The following ATP1B1 variants were observed in gnomAD, a reference collection of about 807,000 sequenced individuals.
The protein encoded by ATP1B1 is sodium/potassium-transporting ATPase subunit beta-1.
In ATP1B1, 3 loss-of-function variants were observed where a neutral mutation model predicts 39.6. The observed-to-expected ratio is 0.08, with a 90% CI of 0.03 to 0.20. The LOEUF (loss-of-function observed/expected upper bound fraction) is 0.20. Ranked by LOEUF, ATP1B1 falls within the 10% of genes least tolerant of loss-of-function variation. ATP1B1 has a pLI of 1.00. For missense variants in ATP1B1, 216 were observed against 371.1 expected (o/e 0.58, Z 3.43); for synonymous variants, 139 against 135.0 (o/e 1.03, Z -0.20).
rs1658227662 is a variant in ATP1B1 at position 169,131,830 on chromosome 1, C to A, written c.*275C>A. ...CTGTAAATTATGATTCCGTAACTGACTTGTAGTAAGCAGTGTTTCTGGCCC... is the reference window on the plus strand; with the variant it reads ...CTGTAAATTATGATTCCGTAACTGAATTGTAGTAAGCAGTGTTTCTGGCCC... On this transcript the variant is annotated 3_prime_UTR_variant, in exon 6 of 6. Coordinates refer to ENST00000367815, the MANE Select transcript of ATP1B1 (RefSeq NM_001677.4). This position sits in a 1 kb window ranked among gnomAD's most constrained non-coding sequence, Gnocchi z 4.4. The A allele has an allele frequency of 2.3e-6, 1 of 432,106 alleles. No individual in the cohort carries two copies. Among genetic ancestry groups the A allele is most frequent in the South Asian group, 2.8e-5 (1 of 36,208 alleles). 26.8% of individuals were successfully genotyped at this position (432,106 alleles called of 1,614,324 possible).
At chr1:169,116,729 T>C (rs909070717) in intron 2 of ATP1B1, among the ~76,000 whole-genome samples, 4 of 152,016 alleles carry the variant, frequency 2.6e-5, no homozygotes, top group African/African-American at 9.7e-5. Context: ...CAGGCACCTC[T>C]AATCCCAGTT....
rs200854788 is a variant in ATP1B1, at chr1:169,130,399, CT to C, written c.648+312del. 2.9e-3 allele frequency among the ~76,000 whole-genome samples: 97 copies of C among 33,092 alleles called. No individual in the cohort carries two copies. The Middle Eastern group carries it at 0.05, about 17-fold the overall frequency. 21.7% of individuals were successfully genotyped at this position (33,092 alleles called of 152,430 possible). Reference sequence around the variant, plus strand: ...AGAGGTGAATTAGCCCACAGAAGTACTTTCTGGCCCACAGCATGTATTAAAA... The same window carrying C: ...AGAGGTGAATTAGCCCACAGAAGTACTTCTGGCCCACAGCATGTATTAAAA... On this transcript the variant is annotated intron_variant, in intron 5 of 5. Coordinates refer to ENST00000367815, the MANE Select transcript of ATP1B1 (RefSeq NM_001677.4).
intron 2 of ATP1B1, among the ~76,000 whole-genome samples, chr1:169,116,617 G>A (rs1027737622): frequency 1.3e-5 from 2 of 152,062 alleles, no homozygotes; most frequent in African/African-American, 4.8e-5. Context: ...TTGGGAGGCC[G>A]AGGCAGGCAG....
At chr1:169,115,474 G>A (rs1007208925) in intron 2 of ATP1B1, among the ~76,000 whole-genome samples, 68 of 150,694 alleles carry the variant, frequency 4.5e-4, no homozygotes, top group African/African-American at 9.2e-4. Context: ...TCAGCCTCCC[G>A]AGTAGCTGGG....
chr1:169,107,503 C>G (rs1437387695), intron 1 of ATP1B1, among the ~76,000 whole-genome samples: 1 of 152,136 alleles, frequency 6.6e-6, no homozygotes, highest in Non-Finnish European at 1.5e-5. Flanking sequence ...TCATCACCAC[C>G]CAGAAATGGT....
intron 2 of ATP1B1, among the ~76,000 whole-genome samples, chr1:169,118,499 C>T (rs899662932): frequency 1.8e-4 from 27 of 152,264 alleles, no homozygotes; most frequent in African/African-American, 6.5e-4. Flanking sequence ...TGCAAAGGCG[C>T]CTTTTTTCTG....
chr1:169,119,890 TA>T (rs1266533825), intron 2 of ATP1B1, among the ~76,000 whole-genome samples: 2 of 152,064 alleles, frequency 1.3e-5, no homozygotes, highest in Non-Finnish European at 2.9e-5. Context: ...CTGATAATCC[TA>T]AAGTAAATGA....
rs1657841484 is a variant in ATP1B1, at chr1:169,116,095, A to G, written c.226+4597A>G. 2.0e-5 allele frequency among the ~76,000 whole-genome samples: 3 copies of G among 152,232 alleles called. No individual in the cohort carries two copies. In the South Asian group the frequency reaches 6.2e-4, roughly 31 times the overall value. On this transcript the variant is annotated intron_variant, in intron 2 of 5. Transcript: ENST00000367815. ...GACATGCAAGCGTGCACACACACGC[A>G]TGCTCATGGATATACACACACACTC...
At chr1:169,121,700 A>G (rs576895673) in intron 2 of ATP1B1, among the ~76,000 whole-genome samples, 1 of 152,190 alleles carries the variant, frequency 6.6e-6, no homozygotes, top group African/African-American at 2.4e-5. Flanking sequence ...GATGTTTGTG[A>G]CACTTGCTTC....
rs1268781874 is a variant in ATP1B1, at chr1:169,106,837, G to A, written c.8G>A (p.Arg3His). 1.3e-5 allele frequency: 20 copies of A among 1,578,256 alleles called. No individual in the cohort carries two copies. Among genetic ancestry groups the A allele is most frequent in the African/African-American group, 2.8e-5 (2 of 70,928 alleles). The change falls in exon 1 of 6, where the codon CGC (arginine) becomes CAC (histidine). Residue 3 changes from arginine to histidine, a missense_variant. By Grantham distance (29) the Arg-to-His change is conservative (BLOSUM62 0). Coordinates refer to ENST00000367815, the MANE Select transcript of ATP1B1 (RefSeq NM_001677.4). MA[R>H]GKAKEEGSWK... ...TGCTGACCCGCCATCGCCATGGCCC[G>A]CGGGAAAGCCAAGGAGGAGGGCAGC...
intron 2 of ATP1B1, among the ~76,000 whole-genome samples, chr1:169,122,174 C>G (rs748740316): frequency 2.0e-5 from 3 of 152,222 alleles, no homozygotes; most frequent in Admixed American, 6.5e-5. Flanking sequence ...TGCCTATGCA[C>G]TGGCTCTTCG....
At chr1:169,129,747 A>G (rs551084729) in intron 4 of ATP1B1, among the ~76,000 whole-genome samples, 2 of 152,360 alleles carry the variant, frequency 1.3e-5, no homozygotes, top group African/African-American at 4.8e-5. Flanking sequence ...GCTACTATTA[A>G]AAGTTCCATT....
chr1:169,130,196 TAAG>T (rs954821385), intron 5 of ATP1B1, 106 bp downstream of exon 5: 2 of 957,694 alleles, frequency 2.1e-6, no homozygotes, highest in East Asian at 2.6e-5. Flanking sequence ...ATAGAAGAAA[TAAG>T]AAACATTGCT....
At chr1:169,127,436 T>C (rs1306128606) in intron 4 of ATP1B1, 28 bp downstream of exon 4, 2 of 1,587,300 alleles carry the variant, frequency 1.3e-6, no homozygotes, top group South Asian at 2.3e-5. Context: ...TGATAGAATT[T>C]AGATGAGTCA....
chr1:169,128,940 A>G (rs1439130052), intron 4 of ATP1B1, among the ~76,000 whole-genome samples: 1 of 151,848 alleles, frequency 6.6e-6, no homozygotes, highest in Non-Finnish European at 1.5e-5. Context: ...TGCCTAATTC[A>G]TCACCTCCAC....
intron 2 of ATP1B1, among the ~76,000 whole-genome samples, chr1:169,117,762 T>G (rs1170526462): frequency 6.6e-6 from 1 of 152,258 alleles, no homozygotes; most frequent in East Asian, 1.9e-4. Flanking sequence ...AGTAATCTGA[T>G]GACCAGCTGG....
chr1:169,107,090 C>A (rs1283215550), intron 1 of ATP1B1, among the ~76,000 whole-genome samples, 164 bp downstream of exon 1: 2 of 152,190 alleles, frequency 1.3e-5, no homozygotes, highest in Non-Finnish European at 2.9e-5. Flanking sequence ...GGCTTGCAGT[C>A]CTGTGCGGAA....
At chr1:169,112,324 A>G (rs1278629765) in intron 2 of ATP1B1, among the ~76,000 whole-genome samples, 2 of 152,276 alleles carry the variant, frequency 1.3e-5, no homozygotes, top group African/African-American at 4.8e-5. Flanking sequence ...CCTGATGCTG[A>G]TAGGACAAGG....
chr1:169,131,980 A>G lies in ATP1B1; in HGVS notation c.*425A>G, dbSNP rs2101796945. ...TTTATGTGAGCAAGGTTTGCTGTCCAAGGTGTAAATATTCAACGGGAATAA... is the reference window on the plus strand; with the variant it reads ...TTTATGTGAGCAAGGTTTGCTGTCCGAGGTGTAAATATTCAACGGGAATAA... On this transcript the variant is annotated 3_prime_UTR_variant, in exon 6 of 6. Coordinates refer to ENST00000367815, the MANE Select transcript of ATP1B1 (RefSeq NM_001677.4). This position sits in a 1 kb window ranked among gnomAD's most constrained non-coding sequence, Gnocchi z 4.4. 3.0e-6 allele frequency: 1 copy of G among 328,078 alleles called. No individual in the cohort carries two copies. Among genetic ancestry groups the G allele is most frequent in the Non-Finnish European group, 5.7e-6 (1 of 176,194 alleles). The allele number at this position is 328,078 out of a possible 1,614,324, so 20.3% of individuals were successfully genotyped here. A position where few individuals can be genotyped will look rare whatever the true frequency, so the allele number is the denominator to read the frequency against.
Sources: allele counts gnomAD v4.1 joint callset (sites outside exome capture counted in the v4.1 genomes callset), GRCh38; gene constraint gnomAD v4.1.1; non-coding constraint Gnocchi (gnomAD v3.1); transcripts MANE v1.5; gene names NCBI Gene and HGNC (gene_info 2026-07-23, HGNC 2026-07-21).